ABI3BP: variants seen among roughly 807,000 people sequenced by gnomAD.
ABI3BP encodes ABI family member 3 binding protein, also known as target of Nesh-SH3.
Under a neutral mutation model 268.6 loss-of-function variants are expected in ABI3BP, and 216 were observed. The observed-to-expected ratio is 0.80, with a 90% CI of 0.72 to 0.90. ABI3BP has a LOEUF of 0.90. Ranked by LOEUF, ABI3BP falls within the 40% of genes least tolerant of loss-of-function variation. The pLI is 0.00. For missense variants in ABI3BP, 2,090 were observed against 2,182.4 expected (o/e 0.96, Z 0.84); for synonymous variants, 730 against 730.0 (o/e 1.00, Z 0.00).
intron 20 of ABI3BP, among the ~76,000 whole-genome samples, chr3:100,846,029 A>C (rs1034104729): frequency 1.3e-5 from 2 of 152,160 alleles, no homozygotes; most frequent in South Asian, 4.1e-4. Flanking sequence ...AGATAGAAAC[A>C]CTTCTCCCCT....
chr3:100,922,011 A>G (rs1243167706), intron 2 of ABI3BP, among the ~76,000 whole-genome samples: 8 of 152,244 alleles, frequency 5.3e-5, no homozygotes, highest in Non-Finnish European at 1.2e-4. Context: ...AGGGTAATTC[A>G]CTGTGTTTGG....
rs140466255 is a variant in ABI3BP, at chr3:100,776,901, C to T, written c.4333+1383G>A. 9.7e-3 allele frequency among the ~76,000 whole-genome samples: 1,476 copies of T among 152,276 alleles called. 21 individuals carry two copies. Among genetic ancestry groups the T allele is most frequent in the African/African-American group, 0.033 (1,381 of 41,544 alleles). On this transcript the variant is annotated intron_variant, in intron 59 of 67. Transcript: ENST00000471714. The stretch of plus-strand genomic sequence containing the variant: ...TCACAGCATTGCTCTGGAGGGGGCC[C>T]CCAAGTGGCACACTCAGGCATCACC...
chr3:100,755,361 A>T (rs2095561761), intron 63 of ABI3BP, among the ~76,000 whole-genome samples: 1 of 152,128 alleles, frequency 6.6e-6, no homozygotes. Flanking sequence ...GATACACATA[A>T]ATGTTTCTTT....
chr3:100,864,433 TCTTCCCAAATTTAGTATGCACAAGA>T (rs567304214), intron 11 of ABI3BP: 64 of 336,020 alleles, frequency 1.9e-4, no homozygotes, highest in African/African-American at 1.3e-3. Flanking sequence ...TTTTGGGGAT[TCTTCCCAAATTTAGTATGCACAAGA>T]CTTCCCAAAG....
intron 57 of ABI3BP, 103 bp downstream of exon 57, chr3:100,787,625 C>G (rs2097090192): frequency 9.9e-7 from 1 of 1,005,616 alleles, no homozygotes; most frequent in Non-Finnish European, 1.4e-6. Context: ...ACTTTAAAAA[C>G]TGGTAAAAAG....
chr3:100,932,085 G>A (rs9843102), intron 1 of ABI3BP, among the ~76,000 whole-genome samples: 17,431 of 151,044 alleles, frequency 0.12, 1,323 homozygotes, highest in Middle Eastern at 0.19. Context: ...CAACAAAGCC[G>A]AAAAAAAACA....
chr3:100,937,799 C>T (rs2066923672), intron 1 of ABI3BP, among the ~76,000 whole-genome samples: 2 of 152,006 alleles, frequency 1.3e-5, no homozygotes, highest in South Asian at 4.1e-4. Flanking sequence ...GAAAACGTTC[C>T]AATGCCTTTA....
chr3:100,900,735 T>C (rs933262969), intron 3 of ABI3BP, among the ~76,000 whole-genome samples: 1 of 152,178 alleles, frequency 6.6e-6, no homozygotes, highest in African/African-American at 2.4e-5. Flanking sequence ...AGTCATTACA[T>C]TATTCCTAAA....
chr3:100,889,573 A>C (rs1402203988), intron 4 of ABI3BP, among the ~76,000 whole-genome samples: 5 of 152,162 alleles, frequency 3.3e-5, no homozygotes, highest in Non-Finnish European at 7.4e-5. Context: ...AAGTGCACAC[A>C]GAGGCAACAA....
chr3:100,777,667 A>G (rs1174306621), intron 59 of ABI3BP, among the ~76,000 whole-genome samples: 2 of 152,110 alleles, frequency 1.3e-5, no homozygotes, highest in Non-Finnish European at 2.9e-5. Context: ...GAAAAGGATG[A>G]AGTCTGAGTA....
At chr3:100,862,219 A>C (rs904502163) in intron 14 of ABI3BP, 92 bp downstream of exon 14, 1 of 848,706 alleles carries the variant, frequency 1.2e-6, no homozygotes, top group African/African-American at 1.7e-5. Context: ...ATTACAAAGC[A>C]TAATGATAAT....
chr3:100,848,885 G>T lies in ABI3BP; in HGVS notation c.1502-10C>A, dbSNP rs1383082115. ...GTAGTTTGCTGGGGAGCTGAAAGAAGATTTAATATAGCTTTGATAAATGAT... is the reference window on the plus strand; with the variant it reads ...GTAGTTTGCTGGGGAGCTGAAAGAATATTTAATATAGCTTTGATAAATGAT... On this transcript the variant is annotated splice_polypyrimidine_tract_variant and intron_variant, in intron 17 of 67. Coordinates refer to ENST00000471714, the MANE Select transcript of ABI3BP (RefSeq NM_001375547.2). 3.1e-6 allele frequency: 5 copies of T among 1,610,012 alleles called. No individual in the cohort carries two copies. Among genetic ancestry groups the T allele is most frequent in the African/African-American group, 1.3e-5 (1 of 74,760 alleles).
intron 2 of ABI3BP, chr3:100,911,221 A>G (rs2056315003): frequency 1.1e-5 from 4 of 372,446 alleles, no homozygotes; most frequent in Non-Finnish European, 5.1e-6. Flanking sequence ...TTCTACCATT[A>G]AGGTCAGTTT....
intron 6 of ABI3BP, among the ~76,000 whole-genome samples, chr3:100,884,431 A>G (rs2040904855): frequency 6.6e-6 from 1 of 152,174 alleles, no homozygotes; most frequent in African/African-American, 2.4e-5. Flanking sequence ...CTTTTCTGCC[A>G]TTTCAAACCA....
At position 100,876,513 on chromosome 3, in the gene ABI3BP, T is replaced by C; in HGVS notation, c.744A>G (p.Gln248=). 6.2e-7 allele frequency: 1 copy of C among 1,612,738 alleles called. No homozygotes were observed. Among genetic ancestry groups the C allele is most frequent in the South Asian group, 1.1e-5 (1 of 90,988 alleles). Residue 248 remains glutamine (Q), a splice_region_variant and synonymous_variant, in exon 7 of 68, where the codon CAA becomes CAG. Transcript: ENST00000471714. ...RKLIPITIIK[Q]VIQNVTHKDS... Reference sequence around the variant, plus strand: ...ACATTTCCAGAGCAGACAAATTACCTTGCTTGATGATTGTTATTGGGATTA... The same window carrying C: ...ACATTTCCAGAGCAGACAAATTACCCTGCTTGATGATTGTTATTGGGATTA...
At chr3:100,851,636 A>C (rs2098840178) in intron 15 of ABI3BP, among the ~76,000 whole-genome samples, 1 of 152,336 alleles carries the variant, frequency 6.6e-6, no homozygotes, top group East Asian at 1.9e-4. Flanking sequence ...ACTTTTCCTC[A>C]GTGGCAACCA....
At chr3:100,807,723 G>A (rs900871828) in intron 50 of ABI3BP, among the ~76,000 whole-genome samples, 23 of 152,072 alleles carry the variant, frequency 1.5e-4, no homozygotes, top group Admixed American at 1.3e-3. Context: ...TAGTGGTCGC[G>A]AAGCTTCCTT....
At chr3:100,906,951 A>G (rs1243831353) in intron 2 of ABI3BP, among the ~76,000 whole-genome samples, 1 of 152,246 alleles carries the variant, frequency 6.6e-6, no homozygotes, top group South Asian at 2.1e-4. Context: ...TCCACAAAAG[A>G]AGCATGAAAT....
chr3:100,934,423 A>G (rs1484255375), intron 1 of ABI3BP, among the ~76,000 whole-genome samples: 1 of 151,954 alleles, frequency 6.6e-6, no homozygotes, highest in African/African-American at 2.4e-5. Context: ...TGCTATTGTG[A>G]ACAGTGCCAC....
Sources: gnomAD v4.1 joint callset for allele counts (sites outside exome capture counted in the v4.1 genomes callset) on GRCh38, gnomAD v4.1.1 for gene constraint, MANE v1.5 for transcripts, NCBI Gene and HGNC (gene_info 2026-07-23, HGNC 2026-07-21) for gene names.